DENND4A: variants seen among roughly 807,000 people sequenced by gnomAD.
DENND4A encodes DENN domain containing 4A, also known as C-myc promoter-binding protein.
A neutral mutation model predicts 199.3 loss-of-function variants in DENND4A; 70 were observed. The observed-to-expected ratio is 0.35, with a 90% CI of 0.29 to 0.43. The LOEUF (loss-of-function observed/expected upper bound fraction) is 0.43. DENND4A is among the 20% of genes least tolerant of loss of function. DENND4A has a pLI of 1.00. For synonymous variants in DENND4A, 686 were observed against 766.9 expected, an observed-to-expected ratio of 0.89 and a Z score of 1.74; for missense variants, 1,723 against 2,255.8, an observed-to-expected ratio of 0.76 and a Z score of 4.78.
intron 1 of DENND4A, among the ~76,000 whole-genome samples, chr15:65,767,561 C>T (rs1187679753): frequency 1.3e-5 from 2 of 152,136 alleles, no homozygotes; most frequent in Admixed American, 1.3e-4. Flanking sequence ...CCTACCTTGC[C>T]TCCCATAAAA....
Position 65,667,982 on chromosome 15 carries a change from A to C in DENND4A, c.4929T>G (p.Thr1643=), listed in dbSNP as rs755231924. 3.9e-5 allele frequency: 63 copies of C among 1,611,976 alleles called. No individual in the cohort carries two copies. In the Middle Eastern group the frequency reaches 5.0e-4, roughly 13 times the overall value. Residue 1643 remains threonine, a synonymous_variant, in exon 28 of 33, where the codon ACT becomes ACG. Coordinates refer to ENST00000443035, the MANE Select transcript of DENND4A (RefSeq NM_001320835.1). ...CTGTAGAAATGAGCTTCTGTCTTCCAGTATCTTCCTTATCCAAGGGGCCAG... is the reference window on the plus strand; with the variant it reads ...CTGTAGAAATGAGCTTCTGTCTTCCCGTATCTTCCTTATCCAAGGGGCCAG... ...STSGPLDKED[T]GRQKLISTGS... is the part of the protein sequence containing the mutation.
chr15:65,717,273 A>G (rs2075437113), intron 13 of DENND4A, among the ~76,000 whole-genome samples: 1 of 152,222 alleles, frequency 6.6e-6, no homozygotes, highest in Admixed American at 6.5e-5. Flanking sequence ...ACTACAAAAG[A>G]AAGTAAATAT....
intron 4 of DENND4A, among the ~76,000 whole-genome samples, chr15:65,745,110 A>G (rs2076355530): frequency 6.6e-6 from 1 of 152,234 alleles, no homozygotes. Flanking sequence ...TATCATAAAT[A>G]GCACTATATG....
At chr15:65,687,562 T>C (rs949514297) in intron 23 of DENND4A, among the ~76,000 whole-genome samples, 1 of 152,190 alleles carries the variant, frequency 6.6e-6, no homozygotes, top group East Asian at 1.9e-4. Context: ...AGCAATCCCA[T>C]TGCTCATGAA....
intron 24 of DENND4A, among the ~76,000 whole-genome samples, chr15:65,675,459 T>C (rs1001581538): frequency 2.0e-5 from 3 of 151,180 alleles, no homozygotes; most frequent in Admixed American, 1.3e-4. Flanking sequence ...AACTTACATA[T>C]GGCAAAAAAA....
intron 23 of DENND4A, among the ~76,000 whole-genome samples, chr15:65,686,467 C>G (rs1205425219): frequency 6.6e-6 from 1 of 152,206 alleles, no homozygotes; most frequent in African/African-American, 2.4e-5. Flanking sequence ...AGATTTAGAA[C>G]TCCCCTTAAT....
chr15:65,785,722 C>T (rs1216400565), intron 1 of DENND4A, among the ~76,000 whole-genome samples: 2 of 152,016 alleles, frequency 1.3e-5, no homozygotes, highest in African/African-American at 4.8e-5. Flanking sequence ...CACTGAAACA[C>T]TTCCTCATGG....
At chr15:65,780,770 G>A (rs2077415791) in intron 1 of DENND4A, among the ~76,000 whole-genome samples, 1 of 152,172 alleles carries the variant, frequency 6.6e-6, no homozygotes, top group Non-Finnish European at 1.5e-5. Flanking sequence ...CCTTATGAAG[G>A]CATCAATAAC....
chr15:65,787,084 ATATGTGGG>A (rs2077584751), intron 1 of DENND4A, among the ~76,000 whole-genome samples: 1 of 152,180 alleles, frequency 6.6e-6, no homozygotes, highest in Non-Finnish European at 1.5e-5. Flanking sequence ...TTAACATTTT[ATATGTGGG>A]TATGTGGGTG....
intron 1 of DENND4A, among the ~76,000 whole-genome samples, chr15:65,778,452 TAA>T (rs565036538): frequency 6.0e-4 from 54 of 89,558 alleles, no homozygotes; most frequent in Admixed American, 7.5e-4. Context: ...TACAGTGACC[TAA>T]AAAAAAAAAA....
At chr15:65,721,947 T>C (rs1344745500) in intron 12 of DENND4A, among the ~76,000 whole-genome samples, 1 of 152,230 alleles carries the variant, frequency 6.6e-6, no homozygotes, top group Non-Finnish European at 1.5e-5. Context: ...GCTTTTTAAA[T>C]AGAAATATTC....
rs1038227560 is a variant in DENND4A, at chr15:65,718,760, C to CTTTTTTTTTTTT, written c.1589-776_1589-765dup. On this transcript the variant is annotated intron_variant, in intron 12 of 32. Transcript: ENST00000443035. Reference sequence around the variant, plus strand: ...TCAAAAGTTTTGCATGTTTTTTTTCCTTTTTTTTTTTTTTTTTTTTTTTTT... The same window carrying CTTTTTTTTTTTT: ...TCAAAAGTTTTGCATGTTTTTTTTCCTTTTTTTTTTTTTTTTTTTTTTTTTTTTTTTTTTTTT... 2.0e-3 allele frequency among the ~76,000 whole-genome samples: 136 copies of CTTTTTTTTTTTT among 67,778 alleles called. 6 individuals are homozygous for CTTTTTTTTTTTT. Among genetic ancestry groups the CTTTTTTTTTTTT allele is most frequent in the East Asian group, 2.7e-3 (6 of 2,194 alleles). The allele number at this position is 67,778 out of a possible 152,430, so 44.5% of individuals were successfully genotyped here.
chr15:65,737,139 T>C (rs903216113), intron 7 of DENND4A, among the ~76,000 whole-genome samples: 1 of 152,154 alleles, frequency 6.6e-6, no homozygotes, highest in Admixed American at 6.5e-5. Context: ...CGTGGCTTAC[T>C]GCAACCTCTG....
intron 11 of DENND4A, among the ~76,000 whole-genome samples, chr15:65,724,763 C>T (rs1477565027): frequency 6.6e-6 from 1 of 152,198 alleles, no homozygotes; most frequent in Non-Finnish European, 1.5e-5. Flanking sequence ...CAACAGGATC[C>T]TGTGTTATAG....
At chr15:65,685,316 C>A (rs1280244219) in intron 23 of DENND4A, among the ~76,000 whole-genome samples, 1 of 152,062 alleles carries the variant, frequency 6.6e-6, no homozygotes, top group African/African-American at 2.4e-5. Flanking sequence ...TTAGTAGACA[C>A]GGGGTTTCAC....
intron 23 of DENND4A, among the ~76,000 whole-genome samples, chr15:65,689,167 T>G (rs2076889940): frequency 6.6e-6 from 1 of 152,216 alleles, no homozygotes; most frequent in Admixed American, 6.5e-5. Flanking sequence ...AAATTTAGGT[T>G]TGATTATTTT....
intron 1 of DENND4A, among the ~76,000 whole-genome samples, chr15:65,762,930 C>G (rs1454623698): frequency 6.6e-6 from 1 of 152,084 alleles, no homozygotes; most frequent in Non-Finnish European, 1.5e-5. Flanking sequence ...TCAAATCTCA[C>G]CAAGGAACCA....
intron 11 of DENND4A, 65 bp from the exon 12 acceptor site, chr15:65,723,013 C>A (rs2075693929): frequency 7.4e-6 from 9 of 1,221,486 alleles, no homozygotes; most frequent in Non-Finnish European, 7.8e-6. Flanking sequence ...AGGTATATAT[C>A]TGTTATATAT....
At chr15:65,706,845 A>T (rs1169417833) in intron 14 of DENND4A, among the ~76,000 whole-genome samples, 2 of 152,186 alleles carry the variant, frequency 1.3e-5, no homozygotes, top group Non-Finnish European at 2.9e-5. Context: ...ATACTAAGAA[A>T]AGTACCTATA....
Sources: gnomAD v4.1 joint callset for allele counts (sites outside exome capture counted in the v4.1 genomes callset) on GRCh38, gnomAD v4.1.1 for gene constraint, MANE v1.5 for transcripts, NCBI Gene and HGNC (gene_info 2026-07-23, HGNC 2026-07-21) for gene names.